The following ZNF407 variants were observed in gnomAD, a reference collection of about 807,000 sequenced individuals.
ZNF407 encodes zinc finger protein 407.
In ZNF407, 17 loss-of-function variants were observed where a neutral mutation model predicts 131.2. The ratio of observed to expected loss-of-function variants is 0.13; its 90% CI spans 0.09 to 0.19. The LOEUF is 0.19. ZNF407 is among the 10% of genes least tolerant of loss of function. ZNF407 has a pLI of 1.00. For synonymous variants in ZNF407, 1,156 were observed against 1,062.0 expected (o/e 1.09, Z -1.72); for missense variants, 2,681 against 2,830.6 (o/e 0.95, Z 1.20).
At chr18:74,958,798 A>G (rs977503439) in intron 8 of ZNF407, among the ~76,000 whole-genome samples, 4 of 152,234 alleles carry the variant, frequency 2.6e-5, no homozygotes, top group African/African-American at 9.7e-5. Flanking sequence ...TCTGAAATCA[A>G]AGATTTTAGC....
chr18:74,731,777 G>A (rs1968300001), intron 3 of ZNF407, among the ~76,000 whole-genome samples: 1 of 152,150 alleles, frequency 6.6e-6, no homozygotes, highest in Admixed American at 6.5e-5. Flanking sequence ...GATCCCTGGG[G>A]TGGGGAGGTG....
chr18:74,628,805 A>G (rs552144879), intron 1 of ZNF407, among the ~76,000 whole-genome samples: 6 of 152,122 alleles, frequency 3.9e-5, no homozygotes, highest in East Asian at 1.9e-4. Context: ...GTGTCGAACT[A>G]CTGCACCCAA....
At position 74,633,496 on chromosome 18, in the gene ZNF407, G is replaced by A. The variant is rs375843941; in HGVS notation, c.2477G>A (p.Gly826Asp). The A allele has an allele frequency of 2.3e-5, 37 of 1,613,874 alleles. No individual in the cohort carries two copies. Among genetic ancestry groups the A allele is most frequent in the Non-Finnish European group, 3.1e-5 (36 of 1,179,890 alleles). The change falls in exon 2 of 9, where the codon GGT becomes GAT. Residue 826 changes from glycine (G) to aspartate (D), a missense_variant. By Grantham distance (94) the Gly-to-Asp change is moderately conservative. Transcript: ENST00000299687. ...TCTGAGGAACTGTCACAGTCTGGTGGTAGCACCAAAGATGATGAATTAGCT... is the reference window on the plus strand; with the variant it reads ...TCTGAGGAACTGTCACAGTCTGGTGATAGCACCAAAGATGATGAATTAGCT... ...LASEELSQSG[G>D]STKDDELAST...
intron 3 of ZNF407, among the ~76,000 whole-genome samples, chr18:74,722,930 T>A (rs999912727): frequency 1.3e-5 from 2 of 152,158 alleles, no homozygotes; most frequent in Non-Finnish European, 2.9e-5. Context: ...CTACTTGAAC[T>A]CTTTAATTAG....
At chr18:75,052,549 G>C (rs949715762) in intron 8 of ZNF407, among the ~76,000 whole-genome samples, 1 of 152,166 alleles carries the variant, frequency 6.6e-6, no homozygotes, top group East Asian at 1.9e-4. Context: ...AGAAGAAGTG[G>C]CCCTTAGACA....
At position 74,809,099 on chromosome 18, in the gene ZNF407, G is replaced by A. The variant is rs9950567; in HGVS notation, c.4877+27597G>A. Among the ~76,000 whole-genome samples the A allele has an allele frequency of 1.3e-4, 19 of 151,690 alleles. No individual in the cohort carries two copies. The South Asian group carries it at 2.3e-3, about 18-fold the overall frequency. On this transcript the variant is annotated intron_variant, in intron 4 of 8. Coordinates refer to ENST00000299687, the MANE Select transcript of ZNF407 (RefSeq NM_017757.3). ...AAGTTATTTCCCAGGATTCTTTTAC[G>A]AAAAAAAACAGCAAAACGTCAGGTA...
intron 8 of ZNF407, among the ~76,000 whole-genome samples, chr18:75,060,730 C>T (rs1973622341): frequency 1.3e-5 from 2 of 152,128 alleles, no homozygotes; most frequent in South Asian, 4.1e-4. Context: ...TGGTCTCGAT[C>T]TCCTGACCTC....
rs549296810 is a variant in ZNF407 at position 74,647,778 on chromosome 18, C to T, written c.4802+6656C>T. On this transcript the variant is annotated intron_variant, in intron 3 of 8. Transcript: ENST00000299687. ...GTGGGCATGGTGACAAGGTGGTGCCCGGGCTGTCTGTGTTGCGGAAGCCAC... is the reference window on the plus strand; with the variant it reads ...GTGGGCATGGTGACAAGGTGGTGCCTGGGCTGTCTGTGTTGCGGAAGCCAC... Among the ~76,000 whole-genome samples the T allele has an allele frequency of 1.8e-3, 275 of 152,156 alleles. 5 individuals are homozygous for T. Among genetic ancestry groups the T allele is most frequent in the African/African-American group, 5.8e-3 (241 of 41,510 alleles).
At chr18:74,922,352 T>C (rs1175150870) in intron 8 of ZNF407, among the ~76,000 whole-genome samples, 2 of 152,200 alleles carry the variant, frequency 1.3e-5, no homozygotes, top group Non-Finnish European at 2.9e-5. Flanking sequence ...GTGGCCTTGC[T>C]CTGCCTCCTT....
At chr18:74,661,236 C>T (rs1985700380) in intron 3 of ZNF407, among the ~76,000 whole-genome samples, 1 of 152,034 alleles carries the variant, frequency 6.6e-6, no homozygotes, top group Admixed American at 6.6e-5. Context: ...CTGCAATAGT[C>T]AGTCTCTTTG....
At chr18:74,660,528 A>G (rs912742265) in intron 3 of ZNF407, among the ~76,000 whole-genome samples, 4 of 152,104 alleles carry the variant, frequency 2.6e-5, no homozygotes, top group African/African-American at 9.7e-5. Context: ...CTCACAAAAC[A>G]TTTTTGTTGC....
At chr18:74,722,807 A>G (rs945739250) in intron 3 of ZNF407, among the ~76,000 whole-genome samples, 8 of 152,100 alleles carry the variant, frequency 5.3e-5, no homozygotes, top group African/African-American at 1.9e-4. Flanking sequence ...TTTTATACTT[A>G]TTTTTGAGAT....
chr18:74,796,932 C>T (rs745728805), intron 4 of ZNF407, among the ~76,000 whole-genome samples: 14 of 152,038 alleles, frequency 9.2e-5, no homozygotes, highest in Non-Finnish European at 1.9e-4. Context: ...TAAGAAAGTA[C>T]GGCTGCCAGC....
At chr18:75,001,053 G>C (rs866672323) in intron 8 of ZNF407, among the ~76,000 whole-genome samples, 1 of 152,058 alleles carries the variant, frequency 6.6e-6, no homozygotes, top group African/African-American at 2.4e-5. Context: ...GGTCATTTCT[G>C]TTCAGACTCA....
intron 7 of ZNF407, among the ~76,000 whole-genome samples, chr18:74,907,950 G>A (rs115476664): frequency 6.6e-6 from 1 of 151,866 alleles, no homozygotes; most frequent in Admixed American, 6.6e-5. Context: ...GTTTTAATTC[G>A]CATTTACTTA....
intron 4 of ZNF407, among the ~76,000 whole-genome samples, chr18:74,823,474 A>G (rs1970368826): frequency 1.3e-5 from 2 of 152,188 alleles, no homozygotes; most frequent in Admixed American, 6.5e-5. Context: ...CCTATCTCAC[A>G]TGCAAAAACA....
intron 3 of ZNF407, among the ~76,000 whole-genome samples, chr18:74,776,516 C>A (rs1164611698): frequency 6.6e-6 from 1 of 152,180 alleles, no homozygotes; most frequent in Non-Finnish European, 1.5e-5. Flanking sequence ...TCAGCACACA[C>A]ATGACTGAGA....
intron 3 of ZNF407, among the ~76,000 whole-genome samples, chr18:74,774,674 A>T (rs1233313620): frequency 6.6e-6 from 1 of 152,214 alleles, no homozygotes; most frequent in Admixed American, 6.5e-5. Context: ...CTATACAAAT[A>T]AAGAAAACGA....
intron 1 of ZNF407, among the ~76,000 whole-genome samples, chr18:74,627,957 C>T (rs1983876153): frequency 6.6e-6 from 1 of 151,766 alleles, no homozygotes; most frequent in African/African-American, 2.4e-5. Flanking sequence ...TCACTGCAGC[C>T]TCAAACTCGG....
Sources: gnomAD v4.1 joint callset for allele counts (sites outside exome capture counted in the v4.1 genomes callset) on GRCh38, gnomAD v4.1.1 for gene constraint, MANE v1.5 for transcripts, NCBI Gene and HGNC (gene_info 2026-07-23, HGNC 2026-07-21) for gene names.